BAIAP2: variants seen among roughly 807,000 people sequenced by gnomAD.
The protein encoded by BAIAP2 is BAR/IMD domain-containing adapter protein 2.
A neutral mutation model predicts 63.0 loss-of-function variants in BAIAP2; 18 were observed. That is an observed-to-expected ratio of 0.29 (90% CI 0.20 to 0.42). The LOEUF is 0.42. Among genes scored for constraint, BAIAP2 ranks in the 10% least tolerant of loss-of-function variants. The pLI, the probability that BAIAP2 is intolerant of heterozygous loss-of-function variation, is 1.00. For synonymous variants in BAIAP2, 386 were observed against 307.6 expected, an observed-to-expected ratio of 1.25 and a Z score of -2.67; for missense variants, 610 against 734.3, an observed-to-expected ratio of 0.83 and a Z score of 1.96.
chr17:81,086,746 C>G (rs1568141192), intron 6 of BAIAP2, among the ~76,000 whole-genome samples, 166 bp downstream of exon 6: 2 of 152,232 alleles, frequency 1.3e-5, no homozygotes, highest in Admixed American at 6.5e-5. Flanking sequence ...CTGACGCCCC[C>G]AGGCCGGTGG....
intron 1 of BAIAP2, among the ~76,000 whole-genome samples, chr17:81,044,889 C>T (rs561098318): frequency 5.0e-4 from 76 of 152,346 alleles, no homozygotes; most frequent in Non-Finnish European, 9.4e-4. Flanking sequence ...TGCACCGTCC[C>T]GTGTGGGCCG....
intron 1 of BAIAP2, among the ~76,000 whole-genome samples, chr17:81,047,316 T>C (rs1407914303): frequency 6.6e-6 from 1 of 152,040 alleles, no homozygotes; most frequent in Non-Finnish European, 1.5e-5. Flanking sequence ...ACTTTCATCT[T>C]GTCCAGTGTA....
chr17:81,104,501 C>G lies in BAIAP2; in HGVS notation c.1067-13C>G, dbSNP rs1215762310. ...CCAGGGGCAGTCCCCTTACCTGTCC[C>G]TTGTCCCAGCAGCCGAGAACAAGAC... On this transcript the variant is annotated splice_polypyrimidine_tract_variant and intron_variant, in intron 9 of 13. Transcript: ENST00000428708. 2 of 1,581,714 alleles carry G rather than the reference C, an allele frequency of 1.3e-6. No homozygotes were observed. Among genetic ancestry groups the G allele is most frequent in the African/African-American group, 1.3e-5 (1 of 74,490 alleles).
rs377232908 is a variant in BAIAP2, at chr17:81,035,205, G to A, written c.-50G>A. 6 of 1,429,070 alleles carry A rather than the reference G, an allele frequency of 4.2e-6. No individual in the cohort carries two copies. Among genetic ancestry groups the A allele is most frequent in the Middle Eastern group, 1.9e-4 (1 of 5,218 alleles). 88.5% of individuals were successfully genotyped at this position (1,429,070 alleles called of 1,614,324 possible). The stretch of plus-strand genomic sequence containing the variant: ...TGCTGCCGTTACCGCCGCTGCTGCC[G>A]CCGCTTGCGTCCCCCGCTCCGGTCT... On this transcript the variant is annotated 5_prime_UTR_variant, in exon 1 of 14. Coordinates refer to ENST00000428708, the MANE Select transcript of BAIAP2 (RefSeq NM_001144888.2).
chr17:81,058,862 C>T (rs551897405), intron 3 of BAIAP2, among the ~76,000 whole-genome samples: 4 of 151,680 alleles, frequency 2.6e-5, no homozygotes, highest in Admixed American at 6.6e-5. Flanking sequence ...CTTTTCTTCT[C>T]GGGGACTGAA....
chr17:81,057,969 T>TGTGGGG lies in BAIAP2; in HGVS notation c.217+3_217+4insTGGGGG. On this transcript the variant is annotated splice_region_variant and intron_variant, in intron 3 of 13. Coordinates refer to ENST00000428708, the MANE Select transcript of BAIAP2 (RefSeq NM_001144888.2). ...AGAGCCAGGGCTCCAAAGAACTCGGTGAGACCCCCCCCCCCCCCCCGCCTG... is the reference window on the plus strand; with the variant it reads ...AGAGCCAGGGCTCCAAAGAACTCGGTGTGGGGGAGACCCCCCCCCCCCCCCCGCCTG... The TGTGGGG allele has an allele frequency of 1.0e-6, 1 of 964,866 alleles. No homozygotes were observed. The highest frequency in any genetic ancestry group is 1.8e-5 in the South Asian group (1 of 56,666). The allele number at this position is 964,866 out of a possible 1,614,324, so 59.8% of individuals were successfully genotyped here.
intron 1 of BAIAP2, chr17:81,036,023 G>A (rs1192837731): frequency 1.3e-5 from 2 of 152,254 alleles, no homozygotes; most frequent in Non-Finnish European, 2.9e-5. Context: ...GATGTGTTAA[G>A]AGTGGCATCC....
At chr17:81,088,860 G>T (rs1381359936) in intron 6 of BAIAP2, among the ~76,000 whole-genome samples, 12 of 152,224 alleles carry the variant, frequency 7.9e-5, no homozygotes, top group African/African-American at 9.6e-5. Context: ...GGTAGCATAG[G>T]GCCGGACAAA....
intron 3 of BAIAP2, among the ~76,000 whole-genome samples, chr17:81,081,672 A>G (rs2054632554): frequency 6.6e-6 from 1 of 152,100 alleles, no homozygotes; most frequent in Non-Finnish European, 1.5e-5. Flanking sequence ...AGCCTGGGGT[A>G]GGGCCCATGT....
At chr17:81,048,521 C>T (rs553549972) in intron 1 of BAIAP2, among the ~76,000 whole-genome samples, 10 of 152,192 alleles carry the variant, frequency 6.6e-5, no homozygotes, top group East Asian at 3.9e-4. Context: ...GTGGAGATGA[C>T]GGGGGTTTTG....
Position 81,108,529 on chromosome 17 carries a change from T to C in BAIAP2, c.1535+20T>C, listed in dbSNP as rs763159566. 2 of 1,613,798 alleles carry C rather than the reference T, an allele frequency of 1.2e-6. No homozygotes were observed. The highest frequency in any genetic ancestry group is 1.7e-6 in the Non-Finnish European group (2 of 1,179,968). On this transcript the variant is annotated intron_variant, in intron 13 of 13. Coordinates refer to ENST00000428708, the MANE Select transcript of BAIAP2 (RefSeq NM_001144888.2). Reference sequence around the variant, plus strand: ...GAGCAGGTAAGGGGACTTTCAGACCTGTCTTTGGGACCGTGGGTGGGTGTG... The same window carrying C: ...GAGCAGGTAAGGGGACTTTCAGACCCGTCTTTGGGACCGTGGGTGGGTGTG...
chr17:81,071,111 T>TC (rs1555665362), intron 3 of BAIAP2, among the ~76,000 whole-genome samples: 4,701 of 150,842 alleles, frequency 0.031, 153 homozygotes, highest in Admixed American at 0.087. Flanking sequence ...TTTTTTTTTT[T>TC]CCCCCATTGG....
rs781447173 is a variant in BAIAP2, at chr17:81,103,689, T to C, written c.830T>C (p.Leu277Pro). The C allele has an allele frequency of 1.3e-6, 2 of 1,566,062 alleles. No homozygotes were observed. The highest frequency in any genetic ancestry group is 1.7e-6 in the Non-Finnish European group (2 of 1,154,880). ...GACCCCATTCCGGGGGCCAAGCCCC[T>C]GCCGGTGCCCCCCGAGCTGGCACCG... ...ISDPIPGAKP[L>P]PVPPELAPFV... The change falls in exon 8 of 14, where the codon CTG becomes CCG. Residue 277 changes from leucine to proline, a missense_variant. Coordinates refer to ENST00000428708, the MANE Select transcript of BAIAP2 (RefSeq NM_001144888.2).
At chr17:81,101,409 C>T (rs1230982137) in intron 7 of BAIAP2, among the ~76,000 whole-genome samples, 1 of 152,170 alleles carries the variant, frequency 6.6e-6, no homozygotes, top group Non-Finnish European at 1.5e-5. Flanking sequence ...GGCCAGCAGG[C>T]CCCTGTTCAC....
chr17:81,085,313 T>C (rs1415531605), intron 4 of BAIAP2: 1 of 526,808 alleles, frequency 1.9e-6, no homozygotes, highest in Non-Finnish European at 3.5e-6. Flanking sequence ...CTGACCCTGG[T>C]GTCAGTTCAG....
chr17:81,053,534 C>A, intron 1 of BAIAP2, 134 bp from the exon 2 acceptor site: 6 of 893,182 alleles, frequency 6.7e-6, no homozygotes, highest in Non-Finnish European at 1.1e-5. Flanking sequence ...ACTTGGGAAG[C>A]CCACCTTGAG....
rs185585084 is a variant in BAIAP2, at chr17:81,051,382, T to C, written c.55-2286T>C. On this transcript the variant is annotated intron_variant, in intron 1 of 13. Transcript: ENST00000428708. ...TGAGCAGCCAGAGGGATCTTCTCTT[T>C]TGTTTGTTTTGTTTTTTTGTATTTA... Among the ~76,000 whole-genome samples, 396 of 152,260 alleles carry C rather than the reference T, an allele frequency of 2.6e-3. 2 individuals carry two copies. Among genetic ancestry groups the C allele is most frequent in the African/African-American group, 9.1e-3 (376 of 41,542 alleles).
intron 3 of BAIAP2, among the ~76,000 whole-genome samples, chr17:81,081,284 G>A (rs2054558956): frequency 6.6e-6 from 1 of 152,206 alleles, no homozygotes; most frequent in Non-Finnish European, 1.5e-5. Context: ...AGGAGCCCTG[G>A]AGCTGCCTCC....
chr17:81,078,595 G>A (rs1478089098), intron 3 of BAIAP2, among the ~76,000 whole-genome samples: 11 of 148,824 alleles, frequency 7.4e-5, no homozygotes, highest in African/African-American at 1.7e-4. Flanking sequence ...CTGTGGGTGC[G>A]GGTGCCGTAT....
Sources: gnomAD v4.1 joint callset for allele counts (sites outside exome capture counted in the v4.1 genomes callset) on GRCh38, gnomAD v4.1.1 for gene constraint, MANE v1.5 for transcripts, NCBI Gene and HGNC (gene_info 2026-07-23, HGNC 2026-07-21) for gene names.